Variants in STAG1 observed in about 807,000 individuals in gnomAD.
STAG1 encodes the protein STAG1 cohesin complex component.
STAG1 carries 26 observed loss-of-function variants against 170.9 expected under a neutral mutation model. The observed-to-expected ratio is 0.15, with a 90% CI of 0.11 to 0.21. The LOEUF is 0.21. Ranked by LOEUF, STAG1 falls within the 10% of genes least tolerant of loss-of-function variation. The pLI, the probability that STAG1 is intolerant of heterozygous loss-of-function variation, is 1.00. For missense variants in STAG1, 964 were observed against 1,509.5 expected (o/e 0.64, Z 5.99); for synonymous variants, 514 against 497.7 (o/e 1.03, Z -0.44).
intron 5 of STAG1, among the ~76,000 whole-genome samples, chr3:136,543,954 C>T (rs1936027745): frequency 6.6e-6 from 1 of 152,096 alleles, no homozygotes; most frequent in Admixed American, 6.5e-5. Flanking sequence ...GCTCCAGTTC[C>T]TAAGTTGAGT....
chr3:136,704,265 A>G (rs764256126), intron 1 of STAG1, among the ~76,000 whole-genome samples: 12 of 151,558 alleles, frequency 7.9e-5, no homozygotes, highest in Admixed American at 1.3e-4. Context: ...TGGCCAGGCT[A>G]GTCTCGAACC....
At chr3:136,512,965 G>A (rs937878609) in intron 7 of STAG1, among the ~76,000 whole-genome samples, 8 of 152,148 alleles carry the variant, frequency 5.3e-5, no homozygotes, top group Non-Finnish European at 1.5e-5. Flanking sequence ...AAGAAAAAAG[G>A]TTAGGACTGA....
At chr3:136,361,311 T>C (rs796128610) in intron 26 of STAG1, among the ~76,000 whole-genome samples, 6 of 152,322 alleles carry the variant, frequency 3.9e-5, no homozygotes, top group African/African-American at 1.4e-4. Context: ...TATTTAACCA[T>C]TCCCCTGTTG....
chr3:136,541,305 TG>T (rs1441014315), intron 6 of STAG1, among the ~76,000 whole-genome samples: 2 of 152,132 alleles, frequency 1.3e-5, no homozygotes, highest in Non-Finnish European at 2.9e-5. Context: ...TTGTTAAAAC[TG>T]GAATTAATGG....
chr3:136,735,373 G>A (rs540663188), intron 1 of STAG1, among the ~76,000 whole-genome samples: 1 of 152,120 alleles, frequency 6.6e-6, no homozygotes, highest in Non-Finnish European at 1.5e-5. Context: ...CAATCCTCCT[G>A]CCTTGGCCTC....
At chr3:136,750,297 C>G (rs1219631751) in intron 1 of STAG1, among the ~76,000 whole-genome samples, 1 of 152,054 alleles carries the variant, frequency 6.6e-6, no homozygotes, top group Non-Finnish European at 1.5e-5. Context: ...TACAGGAGTG[C>G]ACCACTGGGC....
chr3:136,751,766 G>C (rs1440050566), intron 1 of STAG1, among the ~76,000 whole-genome samples: 2 of 151,392 alleles, frequency 1.3e-5, no homozygotes, highest in Admixed American at 6.6e-5. Flanking sequence ...AGCCCGCGTC[G>C]GCCCGGCCCC....
intron 3 of STAG1, among the ~76,000 whole-genome samples, chr3:136,619,703 G>T (rs931712285): frequency 2.3e-5 from 3 of 131,456 alleles, no homozygotes; most frequent in African/African-American, 8.6e-5. Flanking sequence ...GTTGCAGTGA[G>T]CCAAGATCGT....
rs768539899 is a variant in STAG1, at chr3:136,349,195, C to T, written c.3234G>A (p.Lys1078=). The part of the protein sequence containing the change: ...SSSKTSSVRN[K]KGRPPLHKKR... ...TTTTATGAAGTGGAGGTCGTCCTTT[C>T]TTATTCCTTACTGATGAGGTTTTGC... The change falls in exon 29 of 34, where the codon AAG becomes AAA. Residue 1078 remains lysine (K), a synonymous_variant. Coordinates refer to ENST00000383202, the MANE Select transcript of STAG1 (RefSeq NM_005862.3). 1.2e-6 allele frequency: 2 copies of T among 1,614,124 alleles called. No individual in the cohort carries two copies. The highest frequency in any genetic ancestry group is 2.2e-5 in the South Asian group (2 of 91,088).
At chr3:136,615,223 T>A (rs551867631) in intron 3 of STAG1, among the ~76,000 whole-genome samples, 1 of 151,770 alleles carries the variant, frequency 6.6e-6, no homozygotes, top group East Asian at 1.9e-4. Context: ...GGTGTGAATG[T>A]GGGAAAGCAA....
intron 1 of STAG1, among the ~76,000 whole-genome samples, chr3:136,651,563 T>A (rs1235677318): frequency 6.6e-6 from 1 of 152,096 alleles, no homozygotes. Context: ...GCAAAATTGA[T>A]CTTGGCTTTA....
chr3:136,602,918 A>T (rs1317677216), intron 4 of STAG1, among the ~76,000 whole-genome samples: 1 of 152,158 alleles, frequency 6.6e-6, no homozygotes, highest in Non-Finnish European at 1.5e-5. Flanking sequence ...AAACTTATAT[A>T]ATTTAAATAT....
intron 4 of STAG1, among the ~76,000 whole-genome samples, chr3:136,592,153 T>C (rs933628877): frequency 6.6e-6 from 1 of 152,164 alleles, no homozygotes; most frequent in South Asian, 2.1e-4. Flanking sequence ...CCTCCCTTTA[T>C]GTCTTCCCTA....
chr3:136,396,400 A>G (rs535261962), intron 22 of STAG1, among the ~76,000 whole-genome samples: 8 of 138,060 alleles, frequency 5.8e-5, no homozygotes, highest in African/African-American at 2.2e-4. Context: ...TTGTATTTTT[A>G]GTATTGACAG....
chr3:136,586,566 G>A (rs926328001), intron 4 of STAG1, among the ~76,000 whole-genome samples: 2 of 152,174 alleles, frequency 1.3e-5, no homozygotes, highest in East Asian at 3.8e-4. Context: ...CCTATTTAAA[G>A]TTTCTAACTT....
intron 14 of STAG1, among the ~76,000 whole-genome samples, chr3:136,449,126 AAAGAT>A (rs1241338969): frequency 2.6e-5 from 4 of 152,070 alleles, no homozygotes; most frequent in African/African-American, 7.3e-5. Flanking sequence ...ACTAGTATAA[AAAGAT>A]AAGAGGAGAG....
intron 1 of STAG1, among the ~76,000 whole-genome samples, chr3:136,719,462 C>T (rs1933077970): frequency 6.6e-6 from 1 of 151,846 alleles, no homozygotes; most frequent in Admixed American, 6.6e-5. Context: ...AACTAAACAT[C>T]ACTGAATTGT....
intron 4 of STAG1, among the ~76,000 whole-genome samples, chr3:136,591,848 C>T (rs1373816167): frequency 6.6e-6 from 1 of 152,198 alleles, no homozygotes; most frequent in Non-Finnish European, 1.5e-5. Flanking sequence ...AGGGTATCAT[C>T]TTAACCTTTT....
rs148521500 is a variant in STAG1, at chr3:136,468,074, A to C, written c.1206-3086T>G. Among the ~76,000 whole-genome samples the C allele has an allele frequency of 1.4e-4, 22 of 152,256 alleles. No homozygotes were observed. The East Asian group carries it at 4.1e-3, about 28-fold the overall frequency. The stretch of plus-strand genomic sequence containing the variant: ...AAGCAGGAAAGATCTAAAATTGACA[A>C]CCTAACATCACAATCGAAAGAACTA... On this transcript the variant is annotated intron_variant, in intron 12 of 33. Coordinates refer to ENST00000383202, the MANE Select transcript of STAG1 (RefSeq NM_005862.3).
Sources: allele counts gnomAD v4.1 joint callset (sites outside exome capture counted in the v4.1 genomes callset), GRCh38; gene constraint gnomAD v4.1.1; transcripts MANE v1.5; gene names NCBI Gene and HGNC (gene_info 2026-07-23, HGNC 2026-07-21).